SPDL1: variants seen among roughly 807,000 people sequenced by gnomAD.
SPDL1 encodes protein Spindly.
A neutral mutation model predicts 79.5 loss-of-function variants in SPDL1; 85 were observed. The ratio of observed to expected loss-of-function variants is 1.07; its 90% CI spans 0.90 to 1.28. The LOEUF (loss-of-function observed/expected upper bound fraction) is 1.28, where lower values mean the gene tolerates loss of function less well. Among genes scored for constraint, SPDL1 ranks in the 50% most tolerant of loss-of-function variants. SPDL1 has a pLI of 0.00. For synonymous variants in SPDL1, 269 were observed against 240.3 expected, an observed-to-expected ratio of 1.12 and a Z score of -1.10; for missense variants, 703 against 697.8, an observed-to-expected ratio of 1.01 and a Z score of -0.08.
rs1020402134 is a variant in SPDL1 at position 169,591,122 on chromosome 5, C to T, written c.234C>T (p.Cys78=). ...GTCGAATGTTAGAAAGTTTGAGCTG[C>T]GAATGTGAAGCTATTAAACAACAAC... is the stretch of plus-strand genomic sequence containing the variant. ...LKSRMLESLS[C]ECEAIKQQQK... The change falls in exon 3 of 12, where the codon TGC becomes TGT. Residue 78 remains cysteine (C), a synonymous_variant. Coordinates refer to ENST00000265295, the MANE Select transcript of SPDL1 (RefSeq NM_017785.5). The T allele has an allele frequency of 5.6e-6, 9 of 1,613,748 alleles. No homozygotes were observed. Among genetic ancestry groups the T allele is most frequent in the Admixed American group, 1.7e-5 (1 of 59,992 alleles).
intron 2 of SPDL1, among the ~76,000 whole-genome samples, chr5:169,589,687 T>A (rs1755171720): frequency 6.6e-6 from 1 of 151,940 alleles, no homozygotes; most frequent in Non-Finnish European, 1.5e-5. Context: ...TTGCCCTGAT[T>A]CACTTTTTTT....
At chr5:169,593,616 G>A in intron 4 of SPDL1, 68 bp downstream of exon 4, 8 of 1,431,890 alleles carry the variant, frequency 5.6e-6, no homozygotes, top group Admixed American at 2.4e-5. Flanking sequence ...TACATGTTTT[G>A]GTAATAATTC....
rs777309612 is a variant in SPDL1, at chr5:169,594,690, C to T, written c.891+9C>T. The T allele has an allele frequency of 1.3e-6, 2 of 1,587,690 alleles. No individual in the cohort carries two copies. Among genetic ancestry groups the T allele is most frequent in the South Asian group, 1.1e-5 (1 of 89,774 alleles). On this transcript the variant is annotated intron_variant, in intron 7 of 11. Transcript: ENST00000265295. ...AGATGCAGAGAATGAAGGTATAGAA[C>T]TTTCACTATCAAAGGTTTATTAAAC...
chr5:169,598,585 T>C lies in SPDL1; in HGVS notation c.1136+6T>C, dbSNP rs778581999. On this transcript the variant is annotated splice_donor_region_variant and intron_variant, in intron 9 of 11. Coordinates refer to ENST00000265295, the MANE Select transcript of SPDL1 (RefSeq NM_017785.5). The stretch of plus-strand genomic sequence containing the variant: ...ATGAAGCTGGATAACTTAAAGTAAG[T>C]GTCTGGGTTGGTGGATGGAAAGATG... 1.9e-5 allele frequency: 30 copies of C among 1,590,656 alleles called. No individual in the cohort carries two copies. Among genetic ancestry groups the C allele is most frequent in the Non-Finnish European group, 2.5e-5 (29 of 1,159,096 alleles).
chr5:169,601,562 T>C lies in SPDL1; in HGVS notation c.1607T>C (p.Ile536Thr), dbSNP rs1244872299. The C allele has an allele frequency of 1.5e-5, 25 of 1,614,070 alleles. No homozygotes were observed. In the South Asian group the frequency reaches 2.4e-4, roughly 16 times the overall value. ...LKKEKKCVKL[I>T]GVPADAEALS... is the part of the protein sequence containing the mutation. ...AAGGAAAAGAAATGTGTGAAACTCATAGGAGTTCCCGCTGACGCTGAGGCC... is the reference window on the plus strand; with the variant it reads ...AAGGAAAAGAAATGTGTGAAACTCACAGGAGTTCCCGCTGACGCTGAGGCC... The change falls in exon 11 of 12, where the codon ATA becomes ACA. Residue 536 changes from isoleucine to threonine, a missense_variant. Transcript: ENST00000265295.
intron 3 of SPDL1, among the ~76,000 whole-genome samples, chr5:169,591,635 AG>A (rs1755294454): frequency 6.6e-6 from 1 of 152,242 alleles, no homozygotes. Context: ...GACACTTTAT[AG>A]TTTGTTTACT....
At chr5:169,593,824 CG>C (rs1391131484) in intron 4 of SPDL1, among the ~76,000 whole-genome samples, 2 of 152,024 alleles carry the variant, frequency 1.3e-5, no homozygotes, top group Non-Finnish European at 2.9e-5. Context: ...CAGATTTTAT[CG>C]TAAGAGCCCA....
chr5:169,588,536 A>G lies in SPDL1; in HGVS notation c.120A>G (p.Gln40=), dbSNP rs1212014101. 5 of 1,613,582 alleles carry G rather than the reference A, an allele frequency of 3.1e-6. No individual in the cohort carries two copies. The South Asian group carries it at 3.3e-5, about 11-fold the overall frequency. The change falls in exon 2 of 12, where the codon CAA becomes CAG. Residue 40 remains glutamine (Q), a synonymous_variant. Coordinates refer to ENST00000265295, the MANE Select transcript of SPDL1 (RefSeq NM_017785.5). ...AGAGTCAAAATGAATTACAGAATCA[A>G]TTGGATAAATGTCGTAATGAAATGA... The part of the protein sequence containing the change: ...LVESQNELQN[Q]LDKCRNEMMT...
At chr5:169,603,456 G>A (rs982228158) in intron 11 of SPDL1, among the ~76,000 whole-genome samples, 2 of 152,086 alleles carry the variant, frequency 1.3e-5, no homozygotes, top group Admixed American at 6.6e-5. Context: ...AAATATTGCT[G>A]TAACATTTCA....
Position 169,601,596 on chromosome 5 carries a change from A to G in SPDL1, c.1641A>G (p.Glu547=), listed in dbSNP as rs781173552. ...GVPADAEALS[E]RSGNTPNSPR... The stretch of plus-strand genomic sequence containing the variant: ...CCGCTGACGCTGAGGCCTTAAGTGA[A>G]AGAAGTGGAAACACCCCTAACTCTC... The change falls in exon 11 of 12, where the codon GAA becomes GAG. Residue 547 remains glutamate (E), a synonymous_variant. Transcript: ENST00000265295. 1 of 1,614,168 alleles carries G rather than the reference A, an allele frequency of 6.2e-7. No homozygotes were observed. Among genetic ancestry groups the G allele is most frequent in the Non-Finnish European group, 8.5e-7 (1 of 1,180,030 alleles).
At position 169,601,852 on chromosome 5, in the gene SPDL1, C is replaced by T. The variant is rs73314555; in HGVS notation, c.1670+227C>T. On this transcript the variant is annotated intron_variant, in intron 11 of 11. Transcript: ENST00000265295. Reference sequence around the variant, plus strand: ...AAGGCAATCACATTAAAAAGTTACACGTTTCTGTTTCATGAAAGGGAATAT... The same window carrying T: ...AAGGCAATCACATTAAAAAGTTACATGTTTCTGTTTCATGAAAGGGAATAT... 4.2e-3 allele frequency: 2,583 copies of T among 608,242 alleles called. 47 individuals carry two copies. The highest frequency in any genetic ancestry group is 0.029 in the African/African-American group (1,593 of 54,356). 37.7% of individuals were successfully genotyped at this position (608,242 alleles called of 1,614,324 possible).
At chr5:169,594,335 T>C in intron 5 of SPDL1, 41 bp downstream of exon 5, 2 of 1,612,466 alleles carry the variant, frequency 1.2e-6, no homozygotes, top group Non-Finnish European at 1.7e-6. Flanking sequence ...CAATTTATCA[T>C]AACTTATTTT....
At position 169,601,464 on chromosome 5, in the gene SPDL1, A is replaced by T; in HGVS notation, c.1509A>T (p.Lys503Asn). The T allele has an allele frequency of 1.1e-5, 17 of 1,614,176 alleles. No individual in the cohort carries two copies. Among genetic ancestry groups the T allele is most frequent in the Non-Finnish European group, 1.4e-5 (17 of 1,180,028 alleles). The change falls in exon 11 of 12, where the codon AAA (lysine) becomes AAT (asparagine). Residue 503 changes from lysine (K) to asparagine (N), a missense_variant. Transcript: ENST00000265295. ...AAGATAACAACTTGCAATTAGAAAA[A>T]TCAGTTTCTATATACACACCAGTAG... ...SLEDNNLQLE[K>N]SVSIYTPVVS...
intron 11 of SPDL1, among the ~76,000 whole-genome samples, chr5:169,602,189 G>A (rs974782922): frequency 6.6e-6 from 1 of 152,186 alleles, no homozygotes; most frequent in Non-Finnish European, 1.5e-5. Context: ...GTGACTAAAA[G>A]AAATAGCGTC....
chr5:169,588,332 TTGA>T (rs1192361787), intron 1 of SPDL1, 59 bp from the exon 2 acceptor site: 10 of 1,137,648 alleles, frequency 8.8e-6, no homozygotes, highest in African/African-American at 4.7e-5. Flanking sequence ...TCTTCTGTTA[TTGA>T]TATTATTGCA....
intron 1 of SPDL1, among the ~76,000 whole-genome samples, chr5:169,586,992 C>T (rs1561865769): frequency 6.6e-6 from 1 of 152,198 alleles, no homozygotes; most frequent in Non-Finnish European, 1.5e-5. Context: ...ACTCCCTGGG[C>T]TTCTTCCTGC....
Position 169,598,999 on chromosome 5 carries a change from A to G in SPDL1, c.1164A>G (p.Glu388=). 6.4e-7 allele frequency: 1 copy of G among 1,556,844 alleles called. No individual in the cohort carries two copies. Among genetic ancestry groups the G allele is most frequent in the Non-Finnish European group, 8.7e-7 (1 of 1,149,164 alleles). Residue 388 remains glutamate (E), a synonymous_variant, in exon 10 of 12, where the codon GAA becomes GAG. Coordinates refer to ENST00000265295, the MANE Select transcript of SPDL1 (RefSeq NM_017785.5). The part of the protein sequence containing the change: ...LNKEIESTKG[E]LSIQRMKALF... ...AAGAAATTGAAAGCACTAAAGGTGAATTGTCCATACAGCGAATGAAAGCAT... is the reference window on the plus strand; with the variant it reads ...AAGAAATTGAAAGCACTAAAGGTGAGTTGTCCATACAGCGAATGAAAGCAT...
intron 1 of SPDL1, among the ~76,000 whole-genome samples, chr5:169,585,320 C>G (rs1165606308): frequency 6.6e-6 from 1 of 152,122 alleles, no homozygotes; most frequent in Non-Finnish European, 1.5e-5. Flanking sequence ...ATGTCTTTTA[C>G]TAATAGACTA....
chr5:169,602,670 C>T (rs1049291268), intron 11 of SPDL1, among the ~76,000 whole-genome samples: 12 of 152,190 alleles, frequency 7.9e-5, no homozygotes, highest in African/African-American at 2.9e-4. Context: ...ACAGTAAAAG[C>T]ACTTTAACAA....
Sources: gnomAD v4.1 joint callset for allele counts (sites outside exome capture counted in the v4.1 genomes callset) on GRCh38, gnomAD v4.1.1 for gene constraint, MANE v1.5 for transcripts, NCBI Gene and HGNC (gene_info 2026-07-23, HGNC 2026-07-21) for gene names.